Variants in PGM3 observed in about 807,000 individuals in gnomAD.
PGM3 encodes phosphoacetylglucosamine mutase.
In PGM3, 40 loss-of-function variants were observed where a neutral mutation model predicts 66.2. The observed-to-expected ratio is 0.60, with a 90% CI of 0.47 to 0.79. The LOEUF is 0.79. Ranked by LOEUF, PGM3 falls within the 30% of genes least tolerant of loss-of-function variation. The pLI, the probability that PGM3 is intolerant of heterozygous loss-of-function variation, is 0.00. For synonymous variants in PGM3, 191 were observed against 224.2 expected (o/e 0.85, Z 1.32); for missense variants, 537 against 643.4 (o/e 0.83, Z 1.79).
chr6:83,154,109 C>G, the PGM3 span: 1 of 1,610,938 alleles, frequency 6.2e-7, no homozygotes, highest in Non-Finnish European at 8.5e-7. Context: ...CAGCTACTCC[C>G]CTGGAAAGTT....
chr6:83,180,257 T>C lies in PGM3; in HGVS notation c.788-290A>G, dbSNP rs543019454. ...TAGACAGGTGTCCCATAAAGGTTTTTTGAAAGCTACATGTATTTCTGAATG... is the reference window on the plus strand; with the variant it reads ...TAGACAGGTGTCCCATAAAGGTTTTCTGAAAGCTACATGTATTTCTGAATG... On this transcript the variant is annotated intron_variant, in intron 6 of 12. Transcript: ENST00000513973. 2.0e-4 allele frequency among the ~76,000 whole-genome samples: 30 copies of C among 152,318 alleles called. No homozygotes were observed. The East Asian group carries it at 5.8e-3, about 29-fold the overall frequency.
rs995087550 is a variant in PGM3, at chr6:83,167,025, T to C, written c.*2209A>G. ...ATCTTTCTCTAGACAGAATGATGTC[T>C]GTAGCTGTGTTTGTGTAATTCAGGT... On this transcript the variant is annotated 3_prime_UTR_variant, in exon 13 of 13. Coordinates refer to ENST00000513973, the MANE Select transcript of PGM3 (RefSeq NM_015599.3). The C allele has an allele frequency of 1.0e-6, 1 of 985,384 alleles. No individual in the cohort carries two copies. The highest frequency in any genetic ancestry group is 1.1e-4 in the East Asian group (1 of 8,816). The allele number at this position is 985,384 out of a possible 1,614,324, so 61.0% of individuals were successfully genotyped here. A position where few individuals can be genotyped will look rare whatever the true frequency, so the allele number is the denominator to read the frequency against.
upstream of PGM3, chr6:83,193,684 T>C (rs1789383554): frequency 1.3e-5 from 2 of 152,378 alleles, no homozygotes; most frequent in Non-Finnish European, 2.9e-5. Context: ...GCGGCCCGCA[T>C]CCCCCTCTCC....
At chr6:83,174,943 C>G (rs1307524438) in intron 9 of PGM3, among the ~76,000 whole-genome samples, 2 of 152,088 alleles carry the variant, frequency 1.3e-5, no homozygotes, top group African/African-American at 2.4e-5. Flanking sequence ...TAGTATTCAT[C>G]AAAATATGGC....
upstream of PGM3, chr6:83,193,463 C>T (rs1789349399): frequency 6.6e-6 from 1 of 152,194 alleles, no homozygotes. Flanking sequence ...CCGCGGTGGC[C>T]CGGGGGTTGG....
chr6:83,165,830 G>A lies in PGM3; in HGVS notation c.*3404C>T, dbSNP rs193286087. Reference sequence around the variant, plus strand: ...TGGGCCCTTTCTGGTGGCCAATGCCGGCTGCAGGCATTGCAGTTTTTGGTG... The same window carrying A: ...TGGGCCCTTTCTGGTGGCCAATGCCAGCTGCAGGCATTGCAGTTTTTGGTG... On this transcript the variant is annotated 3_prime_UTR_variant, in exon 13 of 13. Transcript: ENST00000513973. 5.9e-5 allele frequency: 19 copies of A among 321,954 alleles called. No individual in the cohort carries two copies. Among genetic ancestry groups the A allele is most frequent in the African/African-American group, 1.7e-4 (8 of 46,426 alleles). The allele number at this position is 321,954 out of a possible 1,614,324, so 19.9% of individuals were successfully genotyped here.
chr6:83,166,745 G>T lies in PGM3; in HGVS notation c.*2489C>A. ...GCAATAAGCTTGAGAGCACATAGAA[G>T]AAAATAAGCTGGATTTTGCATCTGC... On this transcript the variant is annotated 3_prime_UTR_variant, in exon 13 of 13. Transcript: ENST00000513973. 3.5e-6 allele frequency: 4 copies of T among 1,128,416 alleles called. No individual in the cohort carries two copies. The South Asian group carries it at 1.6e-4, about 44-fold the overall frequency. The allele number at this position is 1,128,416 out of a possible 1,614,324, so 69.9% of individuals were successfully genotyped here.
At chr6:83,154,734 C>CA in the PGM3 span, among the ~76,000 whole-genome samples, 1 of 152,016 alleles carries the variant, frequency 6.6e-6, no homozygotes, top group Non-Finnish European at 1.5e-5. Flanking sequence ...AATCACCCCC[C>CA]ACCCCCTCTT....
At chr6:83,160,963 T>C (rs1784104330), downstream of PGM3, among the ~76,000 whole-genome samples, 1 of 152,066 alleles carries the variant, frequency 6.6e-6, no homozygotes, top group South Asian at 2.1e-4. Flanking sequence ...TTTTCTCTTC[T>C]ACTTGAAAAC....
the PGM3 span, chr6:83,148,871 A>G: frequency 2.1e-6 from 3 of 1,425,352 alleles, no homozygotes; most frequent in Non-Finnish European, 2.8e-6. Context: ...TGGGTAAGCA[A>G]TTTCACTTAA....
chr6:83,182,917 G>T lies in PGM3; in HGVS notation c.519C>A (p.Gly173=), dbSNP rs1407702575. 6.2e-7 allele frequency: 1 copy of T among 1,613,806 alleles called. No homozygotes were observed. Among genetic ancestry groups the T allele is most frequent in the Non-Finnish European group, 8.5e-7 (1 of 1,179,770 alleles). ...CTTCTATAGTTGCCTTTCCATATCG[G>T]CCACCCGTGTTTCGACAATACACCA... ...HYMVYCRNTG[G]RYGKATIEGY... The change falls in exon 5 of 13, where the codon GGC becomes GGA. Residue 173 remains glycine, a synonymous_variant. Transcript: ENST00000513973.
intron 10 of PGM3, among the ~76,000 whole-genome samples, chr6:83,173,988 G>T (rs913224326): frequency 6.6e-6 from 1 of 151,792 alleles, no homozygotes; most frequent in Non-Finnish European, 1.5e-5. Context: ...CGCCCTCCTT[G>T]GCCTCCCAAA....
At chr6:83,187,176 A>T (rs907588816) in intron 3 of PGM3, 101 bp from the exon 4 acceptor site, 1 of 701,260 alleles carries the variant, frequency 1.4e-6, no homozygotes, top group Admixed American at 2.2e-5. Flanking sequence ...AAATTTCAAA[A>T]TAGTAAGTTC....
chr6:83,168,320 CT>C lies in PGM3; in HGVS notation c.*913del. ...AATATTTGTATATAAGAGCAAATGT[CT>C]GAATGTGGCCTGAATCAAGTTTAAA... On this transcript the variant is annotated 3_prime_UTR_variant, in exon 13 of 13. Coordinates refer to ENST00000513973, the MANE Select transcript of PGM3 (RefSeq NM_015599.3). 7.0e-7 allele frequency: 1 copy of C among 1,422,322 alleles called. No individual in the cohort carries two copies. The highest frequency in any genetic ancestry group is 2.5e-5 in the East Asian group (1 of 39,348). The allele number at this position is 1,422,322 out of a possible 1,614,324, so 88.1% of individuals were successfully genotyped here.
chr6:83,151,680 T>C, the PGM3 span: 1 of 1,582,134 alleles, frequency 6.3e-7, no homozygotes, highest in Admixed American at 2.0e-5. Flanking sequence ...CTAAGAGCTG[T>C]TGCCAAAACT....
chr6:83,157,419 G>A, downstream of PGM3: 1 of 1,272,344 alleles, frequency 7.9e-7, no homozygotes, highest in Non-Finnish European at 1.1e-6. Context: ...GGAGAGAACT[G>A]AGCTGTAGTT....
chr6:83,187,955 G>T lies in PGM3; in HGVS notation c.389+659C>A, dbSNP rs140656461. On this transcript the variant is annotated intron_variant, in intron 3 of 12. Transcript: ENST00000513973. ...CATAAGTTACTCTGCTACCATCGTC[G>T]GTATCTGGAAAACCCTCTGGTAATA... Among the ~76,000 whole-genome samples the T allele has an allele frequency of 6.0e-3, 908 of 152,218 alleles. 32 individuals are homozygous for T. Among genetic ancestry groups the T allele is most frequent in the Admixed American group, 0.046 (703 of 15,282 alleles).
the PGM3 span, chr6:83,155,998 C>G: frequency 6.2e-7 from 1 of 1,613,972 alleles, no homozygotes; most frequent in African/African-American, 1.3e-5. Flanking sequence ...CTTTGCAAAC[C>G]GTGATGTGGA....
chr6:83,168,382 A>T lies in PGM3; in HGVS notation c.*852T>A, dbSNP rs1322553407. On this transcript the variant is annotated 3_prime_UTR_variant, in exon 13 of 13. Transcript: ENST00000513973. ...TCATACTGATTATGGTGCCTAAGAG[A>T]GCTATATATATACACATGTAAAGTC... 12 of 1,355,962 alleles carry T rather than the reference A, an allele frequency of 8.8e-6. No individual in the cohort carries two copies. Among genetic ancestry groups the T allele is most frequent in the Non-Finnish European group, 1.0e-5 (11 of 1,055,978 alleles). The allele number at this position is 1,355,962 out of a possible 1,614,324, so 84.0% of individuals were successfully genotyped here. A position where few individuals can be genotyped will look rare whatever the true frequency, so the allele number is the denominator to read the frequency against.
Sources: gnomAD v4.1 joint callset for allele counts (sites outside exome capture counted in the v4.1 genomes callset) on GRCh38, gnomAD v4.1.1 for gene constraint, MANE v1.5 for transcripts, NCBI Gene and HGNC (gene_info 2026-07-23, HGNC 2026-07-21) for gene names.